The following ZNF618 variants were observed in gnomAD, a reference collection of about 807,000 sequenced individuals.
ZNF618 encodes the protein zinc finger protein 618, also known as neural precursor cell expressed, developmentally down-regulated 10.
A neutral mutation model predicts 103.0 loss-of-function variants in ZNF618; 34 were observed. The observed-to-expected ratio is 0.33, with a 90% confidence interval of 0.25 to 0.44. The LOEUF (loss-of-function observed/expected upper bound fraction) is 0.44, where lower values mean the gene tolerates loss of function less well. Ranked by LOEUF, ZNF618 falls within the 20% of genes least tolerant of loss-of-function variation. ZNF618 has a pLI of 1.00. For synonymous variants in ZNF618, 551 were observed against 542.2 expected (o/e 1.02, Z -0.23); for missense variants, 1,059 against 1,295.4 (o/e 0.82, Z 2.80).
chr9:113,911,755 G>A (rs1196029510), intron 1 of ZNF618, among the ~76,000 whole-genome samples: 3 of 152,146 alleles, frequency 2.0e-5, no homozygotes, highest in African/African-American at 4.8e-5. Flanking sequence ...TTTTGACTGC[G>A]GGTATTCCAT....
intron 10 of ZNF618, among the ~76,000 whole-genome samples, chr9:114,019,230 C>T (rs146988288): frequency 1.3e-5 from 2 of 152,094 alleles, no homozygotes; most frequent in Admixed American, 1.3e-4. Context: ...ATGAAAATAC[C>T]GTTTGTTAGC....
rs756776482 is a variant in ZNF618 at position 114,048,863 on chromosome 9, C to T, written c.1561C>T (p.Leu521=). 4.4e-6 allele frequency: 7 copies of T among 1,607,852 alleles called. No individual in the cohort carries two copies. In the South Asian group the frequency reaches 7.8e-5, roughly 18 times the overall value. ...TGAAATCCTGGGCAACTTCAACACG[C>T]TGGCGCTGAAGCACCTGCCACGCAT... The part of the protein sequence containing the change: ...VTEILGNFNT[L]ALKHLPRMYN... Residue 521 remains leucine, a synonymous_variant, in exon 15 of 15, where the codon CTG becomes TTG. Coordinates refer to ENST00000374126, the MANE Select transcript of ZNF618 (RefSeq NM_001318042.2).
At chr9:114,020,293 T>C (rs1287240565) in intron 10 of ZNF618, among the ~76,000 whole-genome samples, 1 of 152,198 alleles carries the variant, frequency 6.6e-6, no homozygotes, top group African/African-American at 2.4e-5. Context: ...ATTTGGCTAT[T>C]CTAGAAACTT....
At chr9:113,956,246 C>CATTG (rs894143275) in intron 1 of ZNF618, among the ~76,000 whole-genome samples, 3 of 130,142 alleles carry the variant, frequency 2.3e-5, no homozygotes, top group Non-Finnish European at 4.7e-5. Context: ...AAAAGAAGAG[C>CATTG]ATTGGACTAG....
At chr9:113,878,131 A>G (rs1828132521) in intron 1 of ZNF618, among the ~76,000 whole-genome samples, 1 of 151,824 alleles carries the variant, frequency 6.6e-6, no homozygotes, top group Non-Finnish European at 1.5e-5. Flanking sequence ...AAACCTGATT[A>G]CTTTCAAAGG....
chr9:114,041,412 G>A (rs1378054530), intron 13 of ZNF618, among the ~76,000 whole-genome samples: 1 of 152,164 alleles, frequency 6.6e-6, no homozygotes, highest in Non-Finnish European at 1.5e-5. Context: ...CCATGCCTAT[G>A]TCCTGAATGG....
At chr9:113,973,289 A>T (rs1319209033) in intron 2 of ZNF618, among the ~76,000 whole-genome samples, 1 of 152,150 alleles carries the variant, frequency 6.6e-6, no homozygotes, top group Non-Finnish European at 1.5e-5. Flanking sequence ...AAGGACCCCC[A>T]GCCCTCCAAC....
At chr9:114,018,243 C>T (rs1052400287) in intron 10 of ZNF618, among the ~76,000 whole-genome samples, 3 of 152,176 alleles carry the variant, frequency 2.0e-5, no homozygotes, top group East Asian at 1.9e-4. Flanking sequence ...GGGTAGGCAC[C>T]GACTGTCCAG....
intron 9 of ZNF618, among the ~76,000 whole-genome samples, chr9:114,014,163 A>G (rs1183747086): frequency 6.6e-6 from 1 of 152,246 alleles, no homozygotes; most frequent in Non-Finnish European, 1.5e-5. Flanking sequence ...TAAGGCAGCA[A>G]TCAGAAAAGG....
At chr9:113,969,766 T>C (rs1022076056) in intron 2 of ZNF618, among the ~76,000 whole-genome samples, 3 of 152,198 alleles carry the variant, frequency 2.0e-5, no homozygotes, top group Non-Finnish European at 4.4e-5. Flanking sequence ...TACTTGGTAA[T>C]GTTAACACCC....
chr9:114,018,871 G>A (rs192882815), intron 10 of ZNF618, among the ~76,000 whole-genome samples: 10 of 152,306 alleles, frequency 6.6e-5, no homozygotes, highest in Non-Finnish European at 1.5e-4. Context: ...ATTTAGCCTA[G>A]ATTCAAGAGA....
At chr9:113,897,495 G>C (rs1365707229) in intron 1 of ZNF618, among the ~76,000 whole-genome samples, 1 of 152,024 alleles carries the variant, frequency 6.6e-6, no homozygotes, top group Non-Finnish European at 1.5e-5. Flanking sequence ...TTAATTAGTT[G>C]CTGGGAACAT....
chr9:113,879,982 C>T (rs577831328), intron 1 of ZNF618, among the ~76,000 whole-genome samples: 2 of 152,172 alleles, frequency 1.3e-5, no homozygotes, highest in South Asian at 2.1e-4. Context: ...ACCTCTCCCT[C>T]GTCCTAGAAA....
intron 6 of ZNF618, among the ~76,000 whole-genome samples, chr9:114,006,487 G>C (rs914646708): frequency 1.3e-5 from 2 of 152,210 alleles, no homozygotes; most frequent in African/African-American, 4.8e-5. Context: ...GTGTGCCATT[G>C]TGGAGGGGGT....
intron 1 of ZNF618, among the ~76,000 whole-genome samples, chr9:113,947,082 C>T (rs10982015): frequency 0.51 from 77,461 of 151,882 alleles, 20,414 homozygotes; most frequent in East Asian, 0.68. Flanking sequence ...CCACCATTGA[C>T]AGAAGTCATG....
intron 4 of ZNF618, among the ~76,000 whole-genome samples, chr9:113,998,626 C>T (rs1220274986): frequency 2.6e-5 from 4 of 152,174 alleles, no homozygotes; most frequent in Admixed American, 6.5e-5. Flanking sequence ...TCCTATGGGC[C>T]GCAACTCTGA....
intron 1 of ZNF618, among the ~76,000 whole-genome samples, chr9:113,945,911 A>G (rs1182855646): frequency 1.3e-5 from 2 of 152,224 alleles, no homozygotes; most frequent in African/African-American, 4.8e-5. Context: ...TTATTATTAC[A>G]ATTTCAGCCT....
At chr9:113,990,123 C>G (rs934741440) in intron 3 of ZNF618, among the ~76,000 whole-genome samples, 4 of 152,220 alleles carry the variant, frequency 2.6e-5, no homozygotes, top group African/African-American at 9.6e-5. Flanking sequence ...TGCCTTCCCC[C>G]ATTTCCACTT....
At chr9:113,967,515 T>C (rs1480717956) in intron 1 of ZNF618, among the ~76,000 whole-genome samples, 4 of 152,178 alleles carry the variant, frequency 2.6e-5, no homozygotes, top group Admixed American at 2.0e-4. Context: ...CATTTCCCAA[T>C]TGGCTCTCCT....
Sources: gnomAD v4.1 joint callset for allele counts (sites outside exome capture counted in the v4.1 genomes callset) on GRCh38, gnomAD v4.1.1 for gene constraint, MANE v1.5 for transcripts, NCBI Gene and HGNC (gene_info 2026-07-23, HGNC 2026-07-21) for gene names.